The following SIPA1L1 variants were observed in gnomAD, a reference collection of about 807,000 sequenced individuals.
SIPA1L1 encodes signal-induced proliferation-associated 1-like protein 1.
A neutral mutation model predicts 162.7 loss-of-function variants in SIPA1L1; 26 were observed. That is an observed-to-expected ratio of 0.16 (90% CI 0.12 to 0.22). SIPA1L1 has a LOEUF of 0.22. Among genes scored for constraint, SIPA1L1 ranks in the 10% least tolerant of loss-of-function variants. SIPA1L1 has a pLI of 1.00. For synonymous variants in SIPA1L1, 829 were observed against 837.4 expected, an observed-to-expected ratio of 0.99 and a Z score of 0.17; for missense variants, 1,874 against 2,241.0, an observed-to-expected ratio of 0.84 and a Z score of 3.31.
chr14:71,471,328 G>T (rs1468518289), intron 2 of SIPA1L1, among the ~76,000 whole-genome samples: 1 of 152,168 alleles, frequency 6.6e-6, no homozygotes, highest in African/African-American at 2.4e-5. Context: ...AATTAGTCGG[G>T]CGTGGTGGCA....
intron 3 of SIPA1L1, chr14:71,528,741 G>A (rs546891724): frequency 6.6e-6 from 1 of 152,272 alleles, no homozygotes; most frequent in South Asian, 2.1e-4. Context: ...TGATAAAAAG[G>A]TATTTTGTTT....
At chr14:71,462,237 A>G (rs953708100) in intron 2 of SIPA1L1, among the ~76,000 whole-genome samples, 4 of 152,244 alleles carry the variant, frequency 2.6e-5, no homozygotes, top group Non-Finnish European at 4.4e-5. Flanking sequence ...AGAAGGCGGC[A>G]GAGCCTTGCT....
chr14:71,461,961 A>G (rs1161468442), intron 2 of SIPA1L1, among the ~76,000 whole-genome samples: 1 of 152,210 alleles, frequency 6.6e-6, no homozygotes. Context: ...AGTGGAGACC[A>G]TGGGCACTTG....
intron 2 of SIPA1L1, chr14:71,415,958 A>C (rs1595345719): frequency 6.6e-6 from 1 of 152,226 alleles, no homozygotes; most frequent in African/African-American, 2.4e-5. Flanking sequence ...TCGGCTTCCC[A>C]AAGTGTTAGA....
intron 2 of SIPA1L1, among the ~76,000 whole-genome samples, chr14:71,437,484 C>T (rs57745515): frequency 6.6e-6 from 1 of 152,164 alleles, no homozygotes; most frequent in South Asian, 2.1e-4. Context: ...TTCGGGGTGC[C>T]TCAGCCACTT....
chr14:71,632,329 A>G lies in SIPA1L1; in HGVS notation c.1818+8093A>G, dbSNP rs950325238. On this transcript the variant is annotated intron_variant, in intron 7 of 23. Coordinates refer to ENST00000381232, the MANE Select transcript of SIPA1L1 (RefSeq NM_001386936.1). ...AGAAGTCAGCAAACTGGAAATGCCT[A>G]TAGGCACAGCCAAAATGTCCCCCAA... Among the ~76,000 whole-genome samples, 7 of 152,330 alleles carry G rather than the reference A, an allele frequency of 4.6e-5. 1 individual carries two copies. The highest frequency in any genetic ancestry group is 6.5e-5 in the Admixed American group (1 of 15,292).
At chr14:71,501,609 T>C (rs1426763594) in intron 2 of SIPA1L1, among the ~76,000 whole-genome samples, 1 of 152,218 alleles carries the variant, frequency 6.6e-6, no homozygotes, top group Non-Finnish European at 1.5e-5. Flanking sequence ...TCTGAGGTGT[T>C]GGTAATGTTC....
intron 12 of SIPA1L1, among the ~76,000 whole-genome samples, chr14:71,683,294 A>G (rs2045975398): frequency 6.6e-6 from 1 of 152,196 alleles, no homozygotes; most frequent in Non-Finnish European, 1.5e-5. Flanking sequence ...CATAATAATA[A>G]AGTTCTGTAC....
chr14:71,502,253 A>AATATATAT (rs1426516370), intron 2 of SIPA1L1, among the ~76,000 whole-genome samples: 1 of 89,904 alleles, frequency 1.1e-5, no homozygotes, highest in Non-Finnish European at 2.2e-5. Flanking sequence ...AAAAAAAAAA[A>AATATATAT]AAATATATAT....
At chr14:71,539,860 A>C (rs2054225341) in intron 4 of SIPA1L1, among the ~76,000 whole-genome samples, 1 of 152,198 alleles carries the variant, frequency 6.6e-6, no homozygotes, top group Admixed American at 6.5e-5. Flanking sequence ...CAAGTAATTA[A>C]ATCTATTACT....
chr14:71,343,023 C>T (rs912747996), intron 2 of SIPA1L1, among the ~76,000 whole-genome samples: 3 of 152,196 alleles, frequency 2.0e-5, no homozygotes, highest in Admixed American at 1.3e-4. Flanking sequence ...ACTCCTGGTG[C>T]ACTCATTTAT....
intron 2 of SIPA1L1, among the ~76,000 whole-genome samples, chr14:71,461,040 T>C (rs1383275265): frequency 6.6e-6 from 1 of 152,216 alleles, no homozygotes; most frequent in African/African-American, 2.4e-5. Flanking sequence ...CAATGGTGTG[T>C]GGAATACCAT....
intron 5 of SIPA1L1, among the ~76,000 whole-genome samples, chr14:71,595,118 G>C (rs942627590): frequency 6.6e-6 from 1 of 152,126 alleles, no homozygotes; most frequent in African/African-American, 2.4e-5. Flanking sequence ...AAAAGGGCGT[G>C]GGCTTCAACT....
intron 2 of SIPA1L1, among the ~76,000 whole-genome samples, chr14:71,429,156 T>C (rs927253518): frequency 3.3e-5 from 5 of 152,298 alleles, no homozygotes; most frequent in African/African-American, 1.2e-4. Context: ...CCCAAGTCAC[T>C]TGATAACATT....
chr14:71,418,222 C>T (rs961488688), intron 2 of SIPA1L1: 2 of 152,176 alleles, frequency 1.3e-5, no homozygotes, highest in Non-Finnish European at 2.9e-5. Flanking sequence ...ATTAAGTTGT[C>T]TTTGGAGGGG....
intron 10 of SIPA1L1, among the ~76,000 whole-genome samples, chr14:71,669,099 C>T (rs1158213636): frequency 6.6e-6 from 1 of 152,222 alleles, no homozygotes; most frequent in Non-Finnish European, 1.5e-5. Flanking sequence ...TCCAGGGTAT[C>T]ATCTTCCTCA....
At chr14:71,570,761 C>G (rs548970932) in intron 4 of SIPA1L1, among the ~76,000 whole-genome samples, 13 of 152,216 alleles carry the variant, frequency 8.5e-5, no homozygotes, top group African/African-American at 3.1e-4. Context: ...GAAAATACTG[C>G]ATTCATGAAA....
intron 21 of SIPA1L1, 95 bp downstream of exon 21, chr14:71,733,907 A>C: frequency 1.5e-6 from 2 of 1,309,272 alleles, no homozygotes; most frequent in Non-Finnish European, 2.1e-6. Context: ...CTCAAAACAT[A>C]TGTGCCTCAC....
At chr14:71,353,928 T>C (rs2036965240) in intron 2 of SIPA1L1, among the ~76,000 whole-genome samples, 1 of 152,020 alleles carries the variant, frequency 6.6e-6, no homozygotes, top group Non-Finnish European at 1.5e-5. Context: ...TTAATTTTTT[T>C]CAGCATTTTA....
Sources: gnomAD v4.1 joint callset for allele counts (sites outside exome capture counted in the v4.1 genomes callset) on GRCh38, gnomAD v4.1.1 for gene constraint, MANE v1.5 for transcripts, NCBI Gene and HGNC (gene_info 2026-07-23, HGNC 2026-07-21) for gene names.